ETNK1: variants seen among roughly 807,000 people sequenced by gnomAD.
The protein encoded by ETNK1 is putative protein product of Nbla10396.
A neutral mutation model predicts 45.1 loss-of-function variants in ETNK1; 8 were observed. The ratio of observed to expected loss-of-function variants is 0.18; its 90% CI spans 0.10 to 0.32. The LOEUF is 0.32. Among genes scored for constraint, ETNK1 ranks in the 10% least tolerant of loss-of-function variants. The pLI is 1.00. For missense variants in ETNK1, 302 were observed against 430.6 expected (o/e 0.70, Z 2.64); for synonymous variants, 152 against 151.9 (o/e 1.00, Z -0.01).
At chr12:22,661,968 T>A (rs1954003848) in intron 4 of ETNK1, among the ~76,000 whole-genome samples, 2 of 152,146 alleles carry the variant, frequency 1.3e-5, no homozygotes, top group Admixed American at 1.3e-4. Flanking sequence ...AATTGAAATT[T>A]AAAAATAAAA....
chr12:22,628,192 C>T (rs1953530714), intron 1 of ETNK1, among the ~76,000 whole-genome samples: 1 of 152,098 alleles, frequency 6.6e-6, no homozygotes, highest in South Asian at 2.1e-4. Flanking sequence ...TAGATGTAGA[C>T]GGTACTGTTA....
In ETNK1 at chr12:22,658,056, G is replaced by A. The variant is rs139859920; in HGVS notation, c.417-958G>A. On this transcript the variant is annotated intron_variant, in intron 2 of 7. Transcript: ENST00000266517. ...AGTGTCCTGGCTGCACACCAGGCCA[G>A]TTAAATCAGAATTTCGTTAGTACCT... 4.6e-3 allele frequency among the ~76,000 whole-genome samples: 704 copies of A among 152,314 alleles called. 2 individuals are homozygous for A. The highest frequency in any genetic ancestry group is 0.01 in the Middle Eastern group (3 of 294).
intron 6 of ETNK1, among the ~76,000 whole-genome samples, chr12:22,677,665 G>T (rs1435706741): frequency 6.6e-6 from 1 of 152,098 alleles, no homozygotes; most frequent in East Asian, 1.9e-4. Flanking sequence ...TTCCATTTGT[G>T]CATGTCCTCT....
At chr12:22,634,100 A>G (rs1343639564) in intron 1 of ETNK1, among the ~76,000 whole-genome samples, 1 of 152,136 alleles carries the variant, frequency 6.6e-6, no homozygotes, top group Non-Finnish European at 1.5e-5. Context: ...TAATGACTCT[A>G]CCAGATTAAG....
rs569056650 is a variant in ETNK1, at chr12:22,689,793, G to A, written c.*4839G>A. The A allele has an allele frequency of 5.7e-4, 86 of 152,050 alleles. No homozygotes were observed. The highest frequency in any genetic ancestry group is 1.5e-3 in the African/African-American group (63 of 41,510). The allele number at this position is 152,050 out of a possible 1,614,324, so 9.4% of individuals were successfully genotyped here. A position where few individuals can be genotyped will look rare whatever the true frequency, so the allele number is the denominator to read the frequency against. On this transcript the variant is annotated 3_prime_UTR_variant, in exon 8 of 8. Coordinates refer to ENST00000266517, the MANE Select transcript of ETNK1 (RefSeq NM_018638.5). ...GTGGTGTGCTGCTACTTAATTATAG[G>A]TAGTGACACACTGAAATTCTTATTT...
Position 22,661,296 on chromosome 12 carries a change from T to C in ETNK1, c.700+91T>C, listed in dbSNP as rs577787968. 1,171 of 1,143,648 alleles carry C rather than the reference T, an allele frequency of 1.0e-3. 5 individuals carry two copies. The South Asian group carries it at 0.011, about 11-fold the overall frequency. 70.8% of individuals were successfully genotyped at this position (1,143,648 alleles called of 1,614,324 possible). A position where few individuals can be genotyped will look rare whatever the true frequency, so the allele number is the denominator to read the frequency against. On this transcript the variant is annotated intron_variant, in intron 4 of 7. Coordinates refer to ENST00000266517, the MANE Select transcript of ETNK1 (RefSeq NM_018638.5). Reference sequence around the variant, plus strand: ...TCTATATCAACAAAATAAATTCAAATGCAAGGAGTAAGAGCGTGCATGAAA... The same window carrying C: ...TCTATATCAACAAAATAAATTCAAACGCAAGGAGTAAGAGCGTGCATGAAA...
At chr12:22,664,350 G>A (rs1387699336) in intron 4 of ETNK1, among the ~76,000 whole-genome samples, 6 of 151,822 alleles carry the variant, frequency 4.0e-5, no homozygotes, top group African/African-American at 7.2e-5. Flanking sequence ...ATGACATGAC[G>A]ATTCAGTTCA....
chr12:22,672,227 A>G (rs929238279), intron 5 of ETNK1, among the ~76,000 whole-genome samples: 2 of 152,108 alleles, frequency 1.3e-5, no homozygotes, highest in Non-Finnish European at 2.9e-5. Flanking sequence ...AGTTTTTTAA[A>G]TGTAAGTGGG....
chr12:22,645,652 G>A (rs1953799023), intron 2 of ETNK1, among the ~76,000 whole-genome samples: 1 of 151,624 alleles, frequency 6.6e-6, no homozygotes, highest in Non-Finnish European at 1.5e-5. Flanking sequence ...TGTATACACT[G>A]TATAATGATC....
chr12:22,626,064 C>T (rs146495819), intron 1 of ETNK1: 11 of 355,524 alleles, frequency 3.1e-5, no homozygotes, highest in Admixed American at 2.3e-4. Context: ...TTCCCAAACC[C>T]TAGCGTACTC....
chr12:22,647,544 T>G (rs1953822410), intron 2 of ETNK1, among the ~76,000 whole-genome samples: 1 of 151,902 alleles, frequency 6.6e-6, no homozygotes, highest in Non-Finnish European at 1.5e-5. Flanking sequence ...AAATGTAACT[T>G]TTTGACTATT....
At chr12:22,670,417 C>T (rs570510860) in intron 4 of ETNK1, among the ~76,000 whole-genome samples, 7 of 150,664 alleles carry the variant, frequency 4.6e-5, no homozygotes, top group African/African-American at 9.8e-5. Context: ...CTTTTTCTCT[C>T]GAATATAGGA....
At position 22,625,566 on chromosome 12, in the gene ETNK1, C is replaced by A; in HGVS notation, c.136C>A (p.Pro46Thr). ...LLQHLRPHWD[P>T]QEVTLQLFTD... ...GCAACACCTGCGGCCTCACTGGGACCCCCAGGAGGTGACCCTGCAGGTAAC... is the reference window on the plus strand; with the variant it reads ...GCAACACCTGCGGCCTCACTGGGACACCCAGGAGGTGACCCTGCAGGTAAC... The change falls in exon 1 of 8, where the codon CCC becomes ACC. Residue 46 changes from proline (P) to threonine (T), a missense_variant. Around this residue, in one of 3 missense-constraint regions of ETNK1, gnomAD observed 205 missense variants for 259.9 expected, o/e 0.79. Coordinates refer to ENST00000266517, the MANE Select transcript of ETNK1 (RefSeq NM_018638.5). 6.3e-7 allele frequency: 1 copy of A among 1,596,166 alleles called. No individual in the cohort carries two copies. The highest frequency in any genetic ancestry group is 8.5e-7 in the Non-Finnish European group (1 of 1,171,596).
intron 2 of ETNK1, among the ~76,000 whole-genome samples, chr12:22,646,802 G>T (rs976300341): frequency 6.6e-6 from 1 of 151,778 alleles, no homozygotes; most frequent in African/African-American, 2.4e-5. Context: ...GGACTAGTCT[G>T]GGGGAGGAAG....
intron 1 of ETNK1, among the ~76,000 whole-genome samples, chr12:22,641,190 T>C (rs2137531258): frequency 6.6e-6 from 1 of 152,190 alleles, no homozygotes; most frequent in East Asian, 1.9e-4. Flanking sequence ...ACATTGAGAA[T>C]GGTGGGGATT....
In ETNK1 at chr12:22,687,910, T is replaced by G. The variant is rs1399758056; in HGVS notation, c.*2956T>G. The G allele has an allele frequency of 6.6e-6, 1 of 152,146 alleles. No individual in the cohort carries two copies. The highest frequency in any genetic ancestry group is 1.5e-5 in the Non-Finnish European group (1 of 67,746). 9.4% of individuals were successfully genotyped at this position (152,146 alleles called of 1,614,324 possible). A position where few individuals can be genotyped will look rare whatever the true frequency, so the allele number is the denominator to read the frequency against. On this transcript the variant is annotated 3_prime_UTR_variant, in exon 8 of 8. Coordinates refer to ENST00000266517, the MANE Select transcript of ETNK1 (RefSeq NM_018638.5). ...ACAGTGAGATCACAGGAACTGGAAA[T>G]AGGGTTTGTCGGCTTTGGTTAATGT...
At chr12:22,649,932 C>T (rs1953853700) in intron 2 of ETNK1, among the ~76,000 whole-genome samples, 1 of 151,966 alleles carries the variant, frequency 6.6e-6, no homozygotes, top group African/African-American at 2.4e-5. Context: ...GTCTTTTTAT[C>T]CGTGAACATG....
chr12:22,635,172 C>T (rs1953638771), intron 1 of ETNK1, among the ~76,000 whole-genome samples: 1 of 152,212 alleles, frequency 6.6e-6, no homozygotes, highest in Admixed American at 6.5e-5. Flanking sequence ...TGTGCTGGAC[C>T]TGTCACTCTG....
At chr12:22,652,493 G>GT (rs1359002113) in intron 2 of ETNK1, among the ~76,000 whole-genome samples, 1 of 152,154 alleles carries the variant, frequency 6.6e-6, no homozygotes, top group African/African-American at 2.4e-5. Context: ...AAGGGCACCA[G>GT]TTTCTTTACA....
Sources: gnomAD v4.1 joint callset for allele counts (sites outside exome capture counted in the v4.1 genomes callset) on GRCh38, gnomAD v4.1.1 for gene constraint, gnomAD v4.1.1 regional missense constraint, MANE v1.5 for transcripts, NCBI Gene and HGNC (gene_info 2026-07-23, HGNC 2026-07-21) for gene names.